The following QRICH1 variants were observed in gnomAD, a reference collection of about 807,000 sequenced individuals.
QRICH1 encodes glutamine rich 1.
A neutral mutation model predicts 87.1 loss-of-function variants in QRICH1; 16 were observed. The observed-to-expected ratio is 0.18, with a 90% CI of 0.12 to 0.28. The LOEUF is 0.28. Among genes scored for constraint, QRICH1 ranks in the 10% least tolerant of loss-of-function variants. The probability of loss-of-function intolerance (pLI) is 1.00; values close to 1 mark genes in which losing one functional copy is unlikely to be tolerated. For missense variants in QRICH1, 647 were observed against 951.7 expected (o/e 0.68, Z 4.21); for synonymous variants, 367 against 368.4 (o/e 1.00, Z 0.05).
intron 6 of QRICH1, among the ~76,000 whole-genome samples, chr3:49,044,128 T>C (rs1040885987): frequency 2.0e-5 from 3 of 152,208 alleles, no homozygotes; most frequent in African/African-American, 7.2e-5. Flanking sequence ...TTTTAATCAA[T>C]ACATTTTAAT....
At chr3:49,094,290 G>A, upstream of QRICH1, 1 of 365,134 alleles carries the variant, frequency 2.7e-6, no homozygotes. Context: ...TGGCCTAGTA[G>A]TGGAGTCTCG....
At chr3:49,032,860 G>A (rs2093250397) in intron 7 of QRICH1, 87 bp from the exon 8 acceptor site, 1 of 1,439,868 alleles carries the variant, frequency 6.9e-7, no homozygotes, top group South Asian at 1.3e-5. Context: ...CTTCAGAGGA[G>A]CCACTGCCCA....
chr3:49,041,691 C>T (rs1249515546), intron 6 of QRICH1, among the ~76,000 whole-genome samples: 2 of 151,548 alleles, frequency 1.3e-5, no homozygotes, highest in East Asian at 1.9e-4. Flanking sequence ...AGTGGAGTGG[C>T]GTGGTCTCAG....
intron 1 of QRICH1, among the ~76,000 whole-genome samples, chr3:49,077,503 T>C (rs2041972871): frequency 6.6e-6 from 1 of 152,216 alleles, no homozygotes; most frequent in Non-Finnish European, 1.5e-5. Flanking sequence ...CACCTAGTTG[T>C]GGCAAGACAC....
At position 49,090,341 on chromosome 3, in the gene QRICH1, C is replaced by T. The variant is rs556058435; in HGVS notation, c.-22+3571G>A. On this transcript the variant is annotated intron_variant, in intron 1 of 9. Transcript: ENST00000395443. ...GGGCATGGTGGCAGGCACCTGCAGTCCCAGCTACTCGGGAGGCTGAGGCAG... is the reference window on the plus strand; with the variant it reads ...GGGCATGGTGGCAGGCACCTGCAGTTCCAGCTACTCGGGAGGCTGAGGCAG... 2.0e-5 allele frequency among the ~76,000 whole-genome samples: 3 copies of T among 152,288 alleles called. No individual in the cohort carries two copies. The South Asian group carries it at 6.2e-4, about 32-fold the overall frequency.
In QRICH1 at chr3:49,034,001, C is replaced by CAAAAAAACA. The variant is rs550263174; in HGVS notation, c.1787-782_1787-774dup. ...GACTCCCATCTCAAAAACAAAAAAA[C>CAAAAAAACA]AAAAAAACAAAAAAAACAAAAAAAA... On this transcript the variant is annotated intron_variant, in intron 6 of 9. Transcript: ENST00000395443. Among the ~76,000 whole-genome samples, 937 of 150,038 alleles carry CAAAAAAACA rather than the reference C, an allele frequency of 6.2e-3. 14 individuals are homozygous for CAAAAAAACA. The highest frequency in any genetic ancestry group is 0.021 in the African/African-American group (866 of 40,830).
At chr3:49,049,372 G>C (rs2093357177) in intron 3 of QRICH1, among the ~76,000 whole-genome samples, 1 of 151,850 alleles carries the variant, frequency 6.6e-6, no homozygotes, top group South Asian at 2.1e-4. Flanking sequence ...TTGAACCCAG[G>C]AGACGGAGGT....
chr3:49,049,713 G>C (rs935485217), intron 3 of QRICH1, among the ~76,000 whole-genome samples: 1 of 151,684 alleles, frequency 6.6e-6, no homozygotes, highest in East Asian at 2.0e-4. Context: ...GGCCAGGCTG[G>C]TCTCAAACTC....
intron 1 of QRICH1, among the ~76,000 whole-genome samples, chr3:49,091,706 C>A (rs1265830263): frequency 4.6e-5 from 7 of 152,066 alleles, no homozygotes; most frequent in African/African-American, 1.7e-4. Context: ...TTATAAACAC[C>A]AATTTAAAAG....
intron 5 of QRICH1, among the ~76,000 whole-genome samples, chr3:49,046,027 T>A (rs1364807528): frequency 6.6e-6 from 1 of 151,664 alleles, no homozygotes; most frequent in African/African-American, 2.4e-5. Flanking sequence ...GCGATTCTCA[T>A]GCCTCAGCCT....
chr3:49,078,386 CTTTTT>C (rs60933196), intron 1 of QRICH1, among the ~76,000 whole-genome samples: 43 of 69,846 alleles, frequency 6.2e-4, no homozygotes, highest in African/African-American at 2.0e-3. Context: ...ATTATGGTTC[CTTTTT>C]TTTTTTTTTT....
intron 3 of QRICH1, among the ~76,000 whole-genome samples, chr3:49,051,584 G>GC (rs11420410): frequency 0.059 from 3,338 of 56,884 alleles, 177 homozygotes; most frequent in African/African-American, 0.079. Context: ...CCCCCCCTGC[G>GC]CCCCCCCCCC....
intron 1 of QRICH1, 68 bp downstream of exon 1, chr3:49,093,840 CGTTG>C: frequency 2.8e-6 from 1 of 361,818 alleles, no homozygotes; most frequent in Non-Finnish European, 4.9e-6. Context: ...CCCCGCCCGC[CGTTG>C]TGTGGGGTGG....
At chr3:49,050,829 C>A (rs1300335427) in intron 3 of QRICH1, among the ~76,000 whole-genome samples, 1 of 152,114 alleles carries the variant, frequency 6.6e-6, no homozygotes, top group Non-Finnish European at 1.5e-5. Context: ...GAGCTCAGGG[C>A]CAGAGGACCC....
chr3:49,082,508 G>A (rs1340847577), intron 1 of QRICH1, among the ~76,000 whole-genome samples: 2 of 151,916 alleles, frequency 1.3e-5, no homozygotes, highest in Non-Finnish European at 2.9e-5. Flanking sequence ...AGGCAAATAA[G>A]CTAGATATTC....
In QRICH1 at chr3:49,076,960, G is replaced by A; in HGVS notation, c.58C>T (p.Arg20Trp). 1 of 1,592,748 alleles carries A rather than the reference G, an allele frequency of 6.3e-7. No homozygotes were observed. The highest frequency in any genetic ancestry group is 8.6e-7 in the Non-Finnish European group (1 of 1,166,194). Residue 20 changes from arginine (R) to tryptophan (W), a missense_variant, in exon 2 of 10, where the codon CGG (arginine) becomes TGG (tryptophan). Coordinates refer to ENST00000395443, the MANE Select transcript of QRICH1 (RefSeq NM_198880.3). ...TTCATCCTGTGTTGCGGGACAGACCGTGCCTTTACTCGGATGTACTCTTCA... is the reference window on the plus strand; with the variant it reads ...TTCATCCTGTGTTGCGGGACAGACCATGCCTTTACTCGGATGTACTCTTCA... ...SFEEYIRVKARSVPQHRMKEF... is the reference protein window; with the variant it reads ...SFEEYIRVKAWSVPQHRMKEF...
intron 1 of QRICH1, 52 bp from the exon 2 acceptor site, chr3:49,077,090 C>G: frequency 8.1e-7 from 1 of 1,228,312 alleles, no homozygotes; most frequent in Non-Finnish European, 1.1e-6. Context: ...CAGGAAATGC[C>G]CAGAAGCAAT....
chr3:49,083,430 T>A (rs527306098), intron 1 of QRICH1: 15 of 151,654 alleles, frequency 9.9e-5, no homozygotes, highest in Admixed American at 8.5e-4. Flanking sequence ...CCACCCCAGG[T>A]TGGAAATGGG....
chr3:49,083,896 G>C (rs543112362), intron 1 of QRICH1, among the ~76,000 whole-genome samples: 1 of 149,444 alleles, frequency 6.7e-6, no homozygotes, highest in Non-Finnish European at 1.5e-5. Context: ...GTGCCCCCCA[G>C]GTTCAAGCGA....
Sources: allele counts gnomAD v4.1 joint callset (sites outside exome capture counted in the v4.1 genomes callset), GRCh38; gene constraint gnomAD v4.1.1; transcripts MANE v1.5; gene names NCBI Gene and HGNC (gene_info 2026-07-23, HGNC 2026-07-21).